The following MSI2 variants were observed in gnomAD, a reference collection of about 807,000 sequenced individuals.
MSI2 encodes the protein RNA-binding protein Musashi homolog 2.
MSI2 carries 17 observed loss-of-function variants against 45.6 expected under a neutral mutation model. The observed-to-expected ratio is 0.37, with a 90% CI of 0.26 to 0.56. The LOEUF is 0.56. Ranked by LOEUF, MSI2 falls within the 20% of genes least tolerant of loss-of-function variation. MSI2 has a pLI of 0.77. For missense variants in MSI2, 293 were observed against 444.2 expected (o/e 0.66, Z 3.06); for synonymous variants, 156 against 158.2 (o/e 0.99, Z 0.11).
chr17:57,517,248 AT>A (rs2143980113), intron 6 of MSI2, among the ~76,000 whole-genome samples: 1 of 152,206 alleles, frequency 6.6e-6, no homozygotes, highest in East Asian at 1.9e-4. Context: ...GATTGGGGAG[AT>A]TGGCTGCCAG....
chr17:57,675,377 T>G (rs1341184364), intron 12 of MSI2, among the ~76,000 whole-genome samples: 1 of 152,232 alleles, frequency 6.6e-6, no homozygotes, highest in African/African-American at 2.4e-5. Flanking sequence ...TCCATCACCT[T>G]CACACAGTGC....
intron 11 of MSI2, among the ~76,000 whole-genome samples, chr17:57,666,514 G>GTC (rs1013931752): frequency 2.6e-5 from 4 of 152,192 alleles, no homozygotes; most frequent in African/African-American, 7.2e-5. Context: ...GCCCTGTTTT[G>GTC]TCCCTACCAG....
chr17:57,306,698 A>C (rs1306083323), intron 5 of MSI2, among the ~76,000 whole-genome samples: 1 of 152,056 alleles, frequency 6.6e-6, no homozygotes, highest in African/African-American at 2.4e-5. Context: ...TCTGCTGCCA[A>C]TTTTATTTTG....
intron 5 of MSI2, among the ~76,000 whole-genome samples, chr17:57,292,754 C>G (rs900576499): frequency 6.6e-6 from 1 of 152,126 alleles, no homozygotes; most frequent in Non-Finnish European, 1.5e-5. Flanking sequence ...GGGAAAGGAG[C>G]CTTTCTGGGG....
intron 5 of MSI2, among the ~76,000 whole-genome samples, chr17:57,304,283 G>A (rs1188992534): frequency 6.7e-6 from 1 of 149,534 alleles, no homozygotes; most frequent in African/African-American, 2.5e-5. Context: ...CTTGAACCCA[G>A]GAGGTGGAGG....
chr17:57,570,588 C>T (rs937362424), intron 7 of MSI2, among the ~76,000 whole-genome samples: 3 of 152,182 alleles, frequency 2.0e-5, no homozygotes, highest in Non-Finnish European at 4.4e-5. Context: ...GCCTTCTTGT[C>T]CCCAGTCCTT....
intron 5 of MSI2, among the ~76,000 whole-genome samples, chr17:57,293,595 G>GTTTTTTTTTTTTTT (rs71139983): frequency 2.5e-4 from 33 of 134,664 alleles, no homozygotes; most frequent in East Asian, 1.1e-3. Context: ...TTGTTTTTTT[G>GTTTTTTTTTTTTTT]TTTTTTTTTT....
chr17:57,422,607 G>T lies in MSI2; in HGVS notation c.405+21136G>T, dbSNP rs548593004. 2.0e-5 allele frequency among the ~76,000 whole-genome samples: 3 copies of T among 152,332 alleles called. No homozygotes were observed. In the South Asian group the frequency reaches 6.2e-4, roughly 32 times the overall value. ...TGCCAAGGGACAGAGAGAGCGCTCAGTCCAGGGCTAGCAAACTCCAGACCC... is the reference window on the plus strand; with the variant it reads ...TGCCAAGGGACAGAGAGAGCGCTCATTCCAGGGCTAGCAAACTCCAGACCC... On this transcript the variant is annotated intron_variant, in intron 6 of 13. Coordinates refer to ENST00000284073, the MANE Select transcript of MSI2 (RefSeq NM_138962.4).
intron 7 of MSI2, among the ~76,000 whole-genome samples, chr17:57,579,408 G>A (rs987297276): frequency 6.6e-6 from 1 of 152,188 alleles, no homozygotes; most frequent in African/African-American, 2.4e-5. Flanking sequence ...GCTCCCGTTG[G>A]AGACCCAGGT....
chr17:57,681,041 C>A lies in MSI2; in HGVS notation c.*1524C>A. 1 of 185,424 alleles carries A rather than the reference C, an allele frequency of 5.4e-6. No homozygotes were observed. The highest frequency in any genetic ancestry group is 1.1e-5 in the Non-Finnish European group (1 of 87,540). The allele number at this position is 185,424 out of a possible 1,614,324, so 11.5% of individuals were successfully genotyped here. A position where few individuals can be genotyped will look rare whatever the true frequency, so the allele number is the denominator to read the frequency against. On this transcript the variant is annotated 3_prime_UTR_variant, in exon 14 of 14. Coordinates refer to ENST00000284073, the MANE Select transcript of MSI2 (RefSeq NM_138962.4). ...AATACCTCAGTGCTGCAAGTATCACCAGAGAGGCTATGGAAGAATTTTTTT... is the reference window on the plus strand; with the variant it reads ...AATACCTCAGTGCTGCAAGTATCACAAGAGAGGCTATGGAAGAATTTTTTT...
chr17:57,456,848 C>T (rs892667322), intron 6 of MSI2, among the ~76,000 whole-genome samples: 1 of 152,156 alleles, frequency 6.6e-6, no homozygotes, highest in Non-Finnish European at 1.5e-5. Context: ...ATTTAAGTAT[C>T]CTTGGCAGGA....
At chr17:57,518,303 A>G (rs74721694) in intron 6 of MSI2, among the ~76,000 whole-genome samples, 2,399 of 152,270 alleles carry the variant, frequency 0.016, 80 homozygotes, top group East Asian at 0.08. Context: ...TTCCAAGCCT[A>G]CAAAACTCCT....
At chr17:57,584,110 G>GC (rs1369463872) in intron 7 of MSI2, among the ~76,000 whole-genome samples, 1 of 152,038 alleles carries the variant, frequency 6.6e-6, no homozygotes, top group Admixed American at 6.6e-5. Context: ...AGACTGTGCT[G>GC]CCCCCTGTCC....
intron 6 of MSI2, among the ~76,000 whole-genome samples, chr17:57,480,654 G>A (rs1018317389): frequency 3.3e-5 from 5 of 152,208 alleles, no homozygotes; most frequent in African/African-American, 9.6e-5. Flanking sequence ...CCGCAGAGAC[G>A]AGGCACTATA....
At chr17:57,301,224 T>C (rs180866237) in intron 5 of MSI2, among the ~76,000 whole-genome samples, 24 of 152,264 alleles carry the variant, frequency 1.6e-4, no homozygotes, top group African/African-American at 5.1e-4. Context: ...TGATTTTGTG[T>C]CTCCTTGATA....
At chr17:57,445,798 G>A (rs534518702) in intron 6 of MSI2, among the ~76,000 whole-genome samples, 22 of 152,158 alleles carry the variant, frequency 1.4e-4, no homozygotes, top group African/African-American at 5.1e-4. Context: ...TCCAAAGTGT[G>A]CCCCGTTCTA....
At chr17:57,339,685 A>C (rs368275434) in intron 5 of MSI2, among the ~76,000 whole-genome samples, 1 of 152,134 alleles carries the variant, frequency 6.6e-6, no homozygotes, top group African/African-American at 2.4e-5. Flanking sequence ...AAAGATGCTC[A>C]TGCACGTTTG....
In MSI2 at chr17:57,632,581, G is replaced by A. The variant is rs1023150944; in HGVS notation, c.727+5278G>A. ...GCTGGCACCATTGGAGTAGGAGGGG[G>A]TGGAACACAGGGGGCCCATCCTGAT... On this transcript the variant is annotated intron_variant, in intron 10 of 13. Coordinates refer to ENST00000284073, the MANE Select transcript of MSI2 (RefSeq NM_138962.4). 5 of 1,066,664 alleles carry A rather than the reference G, an allele frequency of 4.7e-6. No homozygotes were observed. The African/African-American group carries it at 8.2e-5, about 17-fold the overall frequency. The allele number at this position is 1,066,664 out of a possible 1,614,324, so 66.1% of individuals were successfully genotyped here.
chr17:57,652,424 C>T lies in MSI2; in HGVS notation c.790+263C>T, dbSNP rs528431152. On this transcript the variant is annotated intron_variant, in intron 11 of 13. Coordinates refer to ENST00000284073, the MANE Select transcript of MSI2 (RefSeq NM_138962.4). This position sits in a 1 kb window ranked among gnomAD's most constrained non-coding sequence, Gnocchi z 4.1. ...TTCTCTCCTTGAAAAAAAAAACAAA[C>T]CTGAGTTTCTTTTTGACTTTGACCA... Among the ~76,000 whole-genome samples, 3 of 152,080 alleles carry T rather than the reference C, an allele frequency of 2.0e-5. No homozygotes were observed. The highest frequency in any genetic ancestry group is 6.5e-5 in the Admixed American group (1 of 15,276).
Sources: gnomAD v4.1 joint callset for allele counts (sites outside exome capture counted in the v4.1 genomes callset) on GRCh38, gnomAD v4.1.1 for gene constraint, Gnocchi (gnomAD v3.1) non-coding constraint, MANE v1.5 for transcripts, NCBI Gene and HGNC (gene_info 2026-07-23, HGNC 2026-07-21) for gene names.